Variants in EDC3 observed in about 807,000 individuals in gnomAD.
EDC3 encodes enhancer of mRNA-decapping protein 3.
A neutral mutation model predicts 41.8 loss-of-function variants in EDC3; 20 were observed. That is an observed-to-expected ratio of 0.48 (90% CI 0.34 to 0.70). The LOEUF (loss-of-function observed/expected upper bound fraction) is 0.70, where lower values mean the gene tolerates loss of function less well. Among genes scored for constraint, EDC3 ranks in the 30% least tolerant of loss-of-function variants. The pLI is 0.01. For synonymous variants in EDC3, 206 were observed against 243.2 expected (o/e 0.85, Z 1.42); for missense variants, 444 against 636.8 (o/e 0.70, Z 3.26).
At chr15:74,661,403 C>T (rs2062618452) in intron 3 of EDC3, among the ~76,000 whole-genome samples, 1 of 152,104 alleles carries the variant, frequency 6.6e-6, no homozygotes, top group African/African-American at 2.4e-5. Context: ...CAACCCACTG[C>T]CTGTTTCTGT....
chr15:74,634,295 TCCTC>T (rs1010942199), intron 6 of EDC3, among the ~76,000 whole-genome samples: 2 of 152,156 alleles, frequency 1.3e-5, no homozygotes, highest in African/African-American at 4.8e-5. Context: ...CTGGTTTTCT[TCCTC>T]CCTCACTGAC....
chr15:74,693,949 C>T (rs7173855), intron 1 of EDC3, among the ~76,000 whole-genome samples: 96 of 152,052 alleles, frequency 6.3e-4, no homozygotes, highest in African/African-American at 2.2e-3. Context: ...CACCACTGCA[C>T]TCCGTCCAAC....
chr15:74,690,388 A>G (rs947718275), intron 1 of EDC3, among the ~76,000 whole-genome samples: 1 of 141,840 alleles, frequency 7.1e-6, no homozygotes, highest in Non-Finnish European at 1.5e-5. Context: ...TCCATCTATT[A>G]TATTACTAAG....
intron 1 of EDC3, among the ~76,000 whole-genome samples, chr15:74,684,084 G>GTTTT (rs58548595): frequency 1.6e-4 from 17 of 103,044 alleles, no homozygotes; most frequent in African/African-American, 2.6e-4. Context: ...TTTTGTTTCT[G>GTTTT]TTTTTTTTTT....
chr15:74,642,301 G>C (rs367615968), intron 4 of EDC3: 1 of 152,204 alleles, frequency 6.6e-6, no homozygotes, highest in South Asian at 2.1e-4. Context: ...CTGGGCTGGG[G>C]AGAGGCAACA....
At chr15:74,670,010 ATTTTT>A (rs757043746) in intron 3 of EDC3, among the ~76,000 whole-genome samples, 32 of 116,402 alleles carry the variant, frequency 2.7e-4, no homozygotes, top group Non-Finnish European at 4.5e-4. Flanking sequence ...CGCCCAGCTA[ATTTTT>A]TTTTTTTTTT....
intron 4 of EDC3, chr15:74,644,756 T>C (rs930442968): frequency 6.6e-6 from 1 of 152,014 alleles, no homozygotes; most frequent in Non-Finnish European, 1.5e-5. Context: ...CATTCCTTCA[T>C]ACTAAAGCTC....
chr15:74,645,082 T>C (rs568032987), intron 4 of EDC3: 5 of 152,130 alleles, frequency 3.3e-5, no homozygotes, highest in South Asian at 2.1e-4. Flanking sequence ...TGCAAATCAA[T>C]TGGCCTAGAT....
intron 4 of EDC3, among the ~76,000 whole-genome samples, chr15:74,645,689 T>G (rs1596306207): frequency 7.2e-6 from 1 of 138,602 alleles, no homozygotes. Flanking sequence ...GGCAACATGG[T>G]GAAACCCTAT....
At chr15:74,651,301 T>C (rs1267001019) in intron 4 of EDC3, among the ~76,000 whole-genome samples, 1 of 152,218 alleles carries the variant, frequency 6.6e-6, no homozygotes, top group African/African-American at 2.4e-5. Context: ...AAATGTCTGA[T>C]GATCCGTGAC....
chr15:74,691,459 C>T (rs1056310670), intron 1 of EDC3, among the ~76,000 whole-genome samples: 58 of 152,296 alleles, frequency 3.8e-4, no homozygotes, highest in African/African-American at 1.1e-3. Flanking sequence ...ACATAGGGAA[C>T]TTAAGTTATG....
chr15:74,670,010 ATTTTTTTTT>A (rs757043746), intron 3 of EDC3, among the ~76,000 whole-genome samples: 12 of 116,402 alleles, frequency 1.0e-4, no homozygotes, highest in African/African-American at 3.9e-4. Flanking sequence ...CGCCCAGCTA[ATTTTTTTTT>A]TTTTTTTTTT....
At chr15:74,662,495 T>TA (rs1434110038) in intron 3 of EDC3, among the ~76,000 whole-genome samples, 1 of 150,940 alleles carries the variant, frequency 6.6e-6, no homozygotes, top group East Asian at 1.9e-4. Flanking sequence ...AAAGAGGTTA[T>TA]AAAAAAAGGG....
chr15:74,682,882 A>G (rs1032286406), intron 1 of EDC3, among the ~76,000 whole-genome samples: 113 of 150,352 alleles, frequency 7.5e-4, no homozygotes, highest in African/African-American at 2.7e-3. Flanking sequence ...ACTAGCTGGG[A>G]GCGGTGGCGC....
chr15:74,688,879 T>A (rs747350038), intron 1 of EDC3, among the ~76,000 whole-genome samples: 9 of 148,088 alleles, frequency 6.1e-5, no homozygotes, highest in Non-Finnish European at 1.3e-4. Flanking sequence ...TGCACTCCAG[T>A]ATGGGTGACA....
intron 1 of EDC3, among the ~76,000 whole-genome samples, chr15:74,680,414 C>A (rs1280903570): frequency 6.6e-6 from 1 of 151,964 alleles, no homozygotes; most frequent in Admixed American, 6.6e-5. Context: ...TAGCAACTGA[C>A]ACAGAAATGC....
At position 74,654,505 on chromosome 15, in the gene EDC3, C is replaced by A. The variant is rs2062520995; in HGVS notation, c.820+1228G>T. Among the ~76,000 whole-genome samples, 3 of 152,268 alleles carry A rather than the reference C, an allele frequency of 2.0e-5. No individual in the cohort carries two copies. In the South Asian group the frequency reaches 6.2e-4, roughly 32 times the overall value. Reference sequence around the variant, plus strand: ...TTAAAACCTAGCAATTTAAATTAAACCCGATTCTGAGCTAGGCTGTTTGCC... The same window carrying A: ...TTAAAACCTAGCAATTTAAATTAAAACCGATTCTGAGCTAGGCTGTTTGCC... On this transcript the variant is annotated intron_variant, in intron 4 of 6. Transcript: ENST00000315127.
At chr15:74,637,331 T>TAAGGACATTCAGC (rs1397101490) in intron 5 of EDC3, 1 of 152,134 alleles carries the variant, frequency 6.6e-6, no homozygotes, top group African/African-American at 2.4e-5. Flanking sequence ...TGTGATTTGG[T>TAAGGACATTCAGC]AAGGACATTC....
intron 4 of EDC3, among the ~76,000 whole-genome samples, chr15:74,652,589 G>GTT (rs201531519): frequency 7.3e-6 from 1 of 136,598 alleles, no homozygotes; most frequent in Non-Finnish European, 1.6e-5. Context: ...AGGTTTTTGT[G>GTT]TTTTTTTTTT....
Sources: gnomAD v4.1 joint callset for allele counts (sites outside exome capture counted in the v4.1 genomes callset) on GRCh38, gnomAD v4.1.1 for gene constraint, MANE v1.5 for transcripts, NCBI Gene and HGNC (gene_info 2026-07-23, HGNC 2026-07-21) for gene names.